The following ATAD5 variants were observed in gnomAD, a reference collection of about 807,000 sequenced individuals.
ATAD5 encodes ATPase family AAA domain containing 5, also known as ATPase family AAA domain-containing protein 5.
A neutral mutation model predicts 176.9 loss-of-function variants in ATAD5; 58 were observed. That is an observed-to-expected ratio of 0.33 (90% CI 0.27 to 0.41). The LOEUF (loss-of-function observed/expected upper bound fraction) is 0.41. Among genes scored for constraint, ATAD5 ranks in the 10% least tolerant of loss-of-function variants. The pLI, the probability that ATAD5 is intolerant of heterozygous loss-of-function variation, is 1.00. For missense variants in ATAD5, 1,789 were observed against 2,094.1 expected (o/e 0.85, Z 2.84); for synonymous variants, 640 against 712.6 (o/e 0.90, Z 1.62).
chr17:30,889,231 A>G (rs1305136813), intron 19 of ATAD5, among the ~76,000 whole-genome samples: 1 of 142,640 alleles, frequency 7.0e-6, no homozygotes, highest in Non-Finnish European at 1.5e-5. Flanking sequence ...GTGACTCTTC[A>G]TGGGCAGGAT....
rs1320836957 is a variant in ATAD5 at position 30,843,951 on chromosome 17, A to C, written c.2280A>C (p.Leu760Phe). 6.6e-7 allele frequency: 1 copy of C among 1,510,922 alleles called. No individual in the cohort carries two copies. Among genetic ancestry groups the C allele is most frequent in the Admixed American group, 2.0e-5 (1 of 50,004 alleles). 93.6% of individuals were successfully genotyped at this position (1,510,922 alleles called of 1,614,324 possible). ...VIIIDSSPTA[L>F]KHPEKNQKKL... ...TAATAGATTCAAGTCCTACTGCTTTAAAGCATCCAGAGAAAAATCAGAAGA... is the reference window on the plus strand; with the variant it reads ...TAATAGATTCAAGTCCTACTGCTTTCAAGCATCCAGAGAAAAATCAGAAGA... Residue 760 changes from leucine to phenylalanine, a missense_variant, in exon 5 of 23, where the codon TTA (leucine) becomes TTC (phenylalanine). This residue lies in a region of ATAD5 where 487 missense variants were observed against 573.6 expected (regional missense o/e 0.85). Transcript: ENST00000321990.
At chr17:30,879,546 A>T in intron 18 of ATAD5, 59 bp downstream of exon 18, 1 of 1,430,908 alleles carries the variant, frequency 7.0e-7, no homozygotes, top group Non-Finnish European at 9.6e-7. Context: ...AAAGTAGTTT[A>T]TTATTAAATA....
At chr17:30,873,845 C>T (rs181940606) in intron 14 of ATAD5, among the ~76,000 whole-genome samples, 125 of 152,168 alleles carry the variant, frequency 8.2e-4, no homozygotes, top group African/African-American at 2.9e-3. Flanking sequence ...GTATGTGCCA[C>T]TGCACTTGGC....
chr17:30,870,477 A>G (rs1908272684), intron 14 of ATAD5, among the ~76,000 whole-genome samples: 1 of 152,078 alleles, frequency 6.6e-6, no homozygotes, highest in Non-Finnish European at 1.5e-5. Context: ...GGTCTGGCAT[A>G]CATATACAGG....
At chr17:30,852,660 C>A (rs990850882) in intron 6 of ATAD5, among the ~76,000 whole-genome samples, 6 of 152,058 alleles carry the variant, frequency 3.9e-5, no homozygotes, top group African/African-American at 1.2e-4. Context: ...CCTCAGTAAT[C>A]TTCAACTCAT....
intron 17 of ATAD5, among the ~76,000 whole-genome samples, chr17:30,878,716 GTGTTTTTTTTTTT>G (rs367871641): frequency 0.14 from 11,406 of 82,054 alleles, 618 homozygotes; most frequent in South Asian, 0.29. Flanking sequence ...AAGTTAGGTG[GTGTTTTTTTTTTT>G]TTTTTTTTTT....
At chr17:30,849,126 C>T (rs1394718053) in intron 6 of ATAD5, among the ~76,000 whole-genome samples, 1 of 152,188 alleles carries the variant, frequency 6.6e-6, no homozygotes, top group African/African-American at 2.4e-5. Flanking sequence ...CTGCCTCGGC[C>T]TCCCAAAGTG....
chr17:30,865,321 C>T (rs1461456115), intron 10 of ATAD5, among the ~76,000 whole-genome samples: 13 of 151,914 alleles, frequency 8.6e-5, no homozygotes, highest in African/African-American at 2.2e-4. Context: ...TACAGGCCCC[C>T]GCCACCACGC....
At chr17:30,836,789 A>G (rs1289796214) in intron 2 of ATAD5, among the ~76,000 whole-genome samples, 1 of 151,774 alleles carries the variant, frequency 6.6e-6, no homozygotes, top group South Asian at 2.1e-4. Context: ...GCCAGTCTCG[A>G]ACTCCTGACC....
chr17:30,873,093 C>T, intron 14 of ATAD5, among the ~76,000 whole-genome samples: 1 of 152,108 alleles, frequency 6.6e-6, no homozygotes, highest in East Asian at 1.9e-4. Context: ...AAATCCAGTG[C>T]CAGTTCTATA....
chr17:30,855,335 T>A lies in ATAD5; in HGVS notation c.2635+8T>A, dbSNP rs887332945. ...TGCAACAAAAGGATGATGGTAAGTT[T>A]GTTTTTTATTATTGAATATTTACTC... On this transcript the variant is annotated splice_region_variant and intron_variant, in intron 7 of 22. Transcript: ENST00000321990. 2.0e-5 allele frequency: 31 copies of A among 1,571,532 alleles called. No homozygotes were observed. Among genetic ancestry groups the A allele is most frequent in the Non-Finnish European group, 2.7e-5 (31 of 1,161,386 alleles).
intron 14 of ATAD5, among the ~76,000 whole-genome samples, chr17:30,875,786 A>C (rs1424515519): frequency 1.4e-5 from 2 of 146,860 alleles, no homozygotes; most frequent in Non-Finnish European, 1.5e-5. Context: ...ACAAAGTGAG[A>C]CCCTGACTCA....
chr17:30,841,633 A>T (rs999525726), intron 4 of ATAD5, among the ~76,000 whole-genome samples: 1 of 151,898 alleles, frequency 6.6e-6, no homozygotes, highest in African/African-American at 2.4e-5. Flanking sequence ...CTTGGTTGTC[A>T]CCCCCCAATC....
chr17:30,833,186 GT>G (rs201276936), intron 1 of ATAD5, among the ~76,000 whole-genome samples: 3 of 148,934 alleles, frequency 2.0e-5, no homozygotes, highest in African/African-American at 4.9e-5. Flanking sequence ...TTTTGTTTTT[GT>G]TTTTTTTTGT....
At chr17:30,887,160 C>G in intron 18 of ATAD5, 32 bp from the exon 19 acceptor site, 1 of 1,525,810 alleles carries the variant, frequency 6.6e-7, no homozygotes. Flanking sequence ...TTGAACTCAG[C>G]AGTTAACCAC....
At chr17:30,859,880 T>A (rs757024345) in intron 9 of ATAD5, among the ~76,000 whole-genome samples, 1 of 146,530 alleles carries the variant, frequency 6.8e-6, no homozygotes, top group Non-Finnish European at 1.5e-5. Context: ...CACGCCACCA[T>A]GCCTGGCTAA....
At chr17:30,847,556 T>C (rs1906591657) in intron 6 of ATAD5, among the ~76,000 whole-genome samples, 1 of 151,590 alleles carries the variant, frequency 6.6e-6, no homozygotes, top group Non-Finnish European at 1.5e-5. Flanking sequence ...GGTCTTGAAC[T>C]CCTGACCTCG....
chr17:30,855,344 T>A lies in ATAD5; in HGVS notation c.2635+17T>A. The A allele has an allele frequency of 1.9e-6, 3 of 1,565,770 alleles. No individual in the cohort carries two copies. The highest frequency in any genetic ancestry group is 1.7e-6 in the Non-Finnish European group (2 of 1,157,974). ...AGGATGATGGTAAGTTTGTTTTTTATTATTGAATATTTACTCTTCAGCTGT... is the reference window on the plus strand; with the variant it reads ...AGGATGATGGTAAGTTTGTTTTTTAATATTGAATATTTACTCTTCAGCTGT... On this transcript the variant is annotated intron_variant, in intron 7 of 22. Transcript: ENST00000321990.
chr17:30,890,088 T>C (rs1909548556), intron 19 of ATAD5, among the ~76,000 whole-genome samples: 1 of 151,802 alleles, frequency 6.6e-6, no homozygotes, highest in South Asian at 2.1e-4. Context: ...GGGATCTCAC[T>C]ATGTTGCCCA....
Sources: allele counts gnomAD v4.1 joint callset (sites outside exome capture counted in the v4.1 genomes callset), GRCh38; gene constraint gnomAD v4.1.1; regional missense constraint gnomAD v4.1.1; transcripts MANE v1.5; gene names NCBI Gene and HGNC (gene_info 2026-07-23, HGNC 2026-07-21).